NAIP: variants seen among roughly 807,000 people sequenced by gnomAD.
The protein encoded by NAIP is baculoviral IAP repeat-containing protein 1.
In NAIP, 15 loss-of-function variants were observed where a neutral mutation model predicts 23.0. The ratio of observed to expected loss-of-function variants is 0.65; its 90% CI spans 0.44 to 1.00. The LOEUF is 1.00. NAIP is among the 50% of genes least tolerant of loss of function. The probability of loss-of-function intolerance (pLI) is 0.00; values close to 1 mark genes in which losing one functional copy is unlikely to be tolerated. For synonymous variants in NAIP, 100 were observed against 100.2 expected (o/e 1.00, Z 0.01); for missense variants, 265 against 278.8 (o/e 0.95, Z 0.35).
At chr5:70,977,661 T>C (rs1580908531) in intron 13 of NAIP, among the ~76,000 whole-genome samples, 1 of 50,202 alleles carries the variant, frequency 2.0e-5, no homozygotes, top group Non-Finnish European at 3.6e-5. Context: ...CAAGACTGCA[T>C]CTCCAAAAAA....
intron 3 of NAIP, among the ~76,000 whole-genome samples, chr5:71,017,627 G>C (rs1467065213): frequency 4.7e-5 from 4 of 84,948 alleles, no homozygotes; most frequent in Non-Finnish European, 1.2e-4. Context: ...CGCAACCTCT[G>C]CTTCCCAGGT....
intron 5 of NAIP, 32 bp downstream of exon 5, chr5:71,011,243 A>C: frequency 1.3e-6 from 2 of 1,526,024 alleles, no homozygotes; most frequent in Non-Finnish European, 1.8e-6. Flanking sequence ...AAAAAAAAGA[A>C]AGAAACATTT....
intron 13 of NAIP, among the ~76,000 whole-genome samples, chr5:70,977,666 A>T (rs1437770320): frequency 2.4e-4 from 1 of 4,090 alleles, no homozygotes; most frequent in South Asian, 0.056. Context: ...CTGCATCTCC[A>T]AAAAAAAAAA....
intron 5 of NAIP, 21 bp downstream of exon 5, chr5:71,011,254 A>G: frequency 1.9e-6 from 3 of 1,547,482 alleles, no homozygotes; most frequent in Non-Finnish European, 2.6e-6. Context: ...AGAAACATTT[A>G]AGCAAAAATT....
intron 9 of NAIP, among the ~76,000 whole-genome samples, chr5:70,996,426 ATAAAT>A: frequency 7.6e-6 from 1 of 131,624 alleles, no homozygotes; most frequent in South Asian, 2.6e-4. Flanking sequence ...TTTCATTTAA[ATAAAT>A]AAAATTATTA....
intron 4 of NAIP, among the ~76,000 whole-genome samples, 175 bp downstream of exon 4, chr5:71,012,173 A>G (rs1751190716): frequency 6.6e-6 from 1 of 151,724 alleles, no homozygotes; most frequent in Non-Finnish European, 1.5e-5. Flanking sequence ...TACTAAATAG[A>G]AAATGAAGCA....
Position 71,012,603 on chromosome 5 carries a change from A to G in NAIP, c.313T>C (p.Phe105Leu). 1 of 1,611,954 alleles carries G rather than the reference A, an allele frequency of 6.2e-7. No individual in the cohort carries two copies. Among genetic ancestry groups the G allele is most frequent in the Non-Finnish European group, 8.5e-7 (1 of 1,178,528 alleles). Residue 105 changes from phenylalanine (F) to leucine (L), a missense_variant, in exon 4 of 17, where the codon TTT becomes CTT. By Grantham distance (22) the Phe-to-Leu change is conservative (BLOSUM62 0). Transcript: ENST00000517649. ...IQCFCCSLIL[F>L]GAGLTRLPIE... Reference sequence around the variant, plus strand: ...GGGAGTCTCGTGAGGCCGGCACCAAAGAGGATTAGGCTACAGCAGAAGCAC... The same window carrying G: ...GGGAGTCTCGTGAGGCCGGCACCAAGGAGGATTAGGCTACAGCAGAAGCAC...
rs181247511 is a variant in NAIP, at chr5:71,012,690, A to G, written c.226T>C (p.Trp76Arg). Reference sequence around the variant, plus strand: ...GCGGCCGCCATCTCCTGTGGTATCCATGAGCTGTACGGCTCATAAGTCACA... The same window carrying G: ...GCGGCCGCCATCTCCTGTGGTATCCGTGAGCTGTACGGCTCATAAGTCACA... ...TFVTYEPYSS[W>R]IPQEMAAAGF... Residue 76 changes from tryptophan to arginine, a missense_variant, in exon 4 of 17, where the codon TGG (tryptophan) becomes CGG (arginine). Physicochemically the swap from Trp to Arg is moderately radical, Grantham distance 101 (BLOSUM62 -3). This residue lies in a region of NAIP where 261 missense variants were observed against 259.2 expected (regional missense o/e 1.01). Transcript: ENST00000517649. 1 of 1,611,880 alleles carries G rather than the reference A, an allele frequency of 6.2e-7. No homozygotes were observed. Among genetic ancestry groups the G allele is most frequent in the East Asian group, 2.2e-5 (1 of 44,850 alleles).
Position 71,012,743 on chromosome 5 carries a change from C to T in NAIP, c.173G>A (p.Arg58His), listed in dbSNP as rs1466141114. Residue 58 changes from arginine to histidine, a missense_variant, in exon 4 of 17, where the codon CGC becomes CAC. Physicochemically the swap from Arg to His is conservative, Grantham distance 29. This residue lies in a region of NAIP where 261 missense variants were observed against 259.2 expected (regional missense o/e 1.01). Coordinates refer to ENST00000517649, the MANE Select transcript of NAIP (RefSeq NM_004536.3). ...AGTCTTTAACCTTTTTGCTTCACTGCGCATTTGAGAGTTGTAGCCTTTCTG... is the reference window on the plus strand; with the variant it reads ...AGTCTTTAACCTTTTTGCTTCACTGTGCATTTGAGAGTTGTAGCCTTTCTG... ...KMQKGYNSQM[R>H]SEAKRLKTFV... 6 of 1,611,750 alleles carry T rather than the reference C, an allele frequency of 3.7e-6. No individual in the cohort carries two copies. The African/African-American group carries it at 4.0e-5, about 11-fold the overall frequency.
intron 13 of NAIP, among the ~76,000 whole-genome samples, chr5:70,978,791 CT>C (rs1262191019): frequency 9.4e-5 from 5 of 53,182 alleles, no homozygotes; most frequent in African/African-American, 1.4e-4. Flanking sequence ...GGATTTCTTT[CT>C]TTTTTTTTTT....
chr5:70,980,731 C>CACA (rs1750518112), intron 12 of NAIP, among the ~76,000 whole-genome samples: 1 of 6,272 alleles, frequency 1.6e-4, no homozygotes, highest in South Asian at 2.5e-3. Context: ...GCTGAAATCA[C>CACA]ACAACTCTTA....
chr5:71,014,578 A>C (rs910178700), intron 3 of NAIP, among the ~76,000 whole-genome samples: 3 of 151,682 alleles, frequency 2.0e-5, no homozygotes, highest in African/African-American at 7.3e-5. Context: ...ATTTGGATTG[A>C]GAGATTAACA....
At position 71,002,401 on chromosome 5, in the gene NAIP, C is replaced by CTTTTT. The variant is rs1157939944; in HGVS notation, c.751-263_751-259dup. Among the ~76,000 whole-genome samples the CTTTTT allele has an allele frequency of 1.1e-3, 6 of 5,588 alleles. 1 individual carries two copies. The highest frequency in any genetic ancestry group is 3.5e-3 in the Admixed American group (1 of 282). 3.7% of individuals were successfully genotyped at this position (5,588 alleles called of 152,430 possible). A position where few individuals can be genotyped will look rare whatever the true frequency, so the allele number is the denominator to read the frequency against. On this transcript the variant is annotated intron_variant, in intron 6 of 16. Transcript: ENST00000517649. ...TAGAGACAGACACGATGTTGGAGGT[C>CTTTTT]TTTTTTTTTTTTTTTTTTTTTTTTT...
At chr5:70,978,176 G>T (rs1255862015) in intron 13 of NAIP, among the ~76,000 whole-genome samples, 1 of 129,246 alleles carries the variant, frequency 7.7e-6, no homozygotes, top group African/African-American at 3.0e-5. Flanking sequence ...TTTTGAGACA[G>T]GGTCTTGCTC....
At chr5:71,009,450 G>T (rs1222395027) in intron 5 of NAIP, among the ~76,000 whole-genome samples, 1 of 151,112 alleles carries the variant, frequency 6.6e-6, no homozygotes, top group African/African-American at 2.4e-5. Flanking sequence ...TAGCACTTTG[G>T]GAATCCAAGG....
intron 3 of NAIP, among the ~76,000 whole-genome samples, chr5:71,017,701 C>T (rs1354118409): frequency 3.9e-5 from 3 of 77,586 alleles, no homozygotes; most frequent in Non-Finnish European, 6.2e-5. Context: ...CCACCATGCC[C>T]GGCTAATTTT....
At chr5:71,014,258 C>T (rs73118818) in intron 3 of NAIP, among the ~76,000 whole-genome samples, 107 of 151,186 alleles carry the variant, frequency 7.1e-4, no homozygotes, top group African/African-American at 2.5e-3. Context: ...CCACCAATTG[C>T]GGCTAATTTC....
chr5:71,011,745 A>G lies in NAIP; in HGVS notation c.569-371T>C, dbSNP rs115745346. ...CTTGCCATGACATTTCGGTAGAAAC[A>G]TAGGCATGTTTCTTAAAGTCTCTGA... On this transcript the variant is annotated intron_variant, in intron 4 of 16. Transcript: ENST00000517649. 527 of 447,938 alleles carry G rather than the reference A, an allele frequency of 1.2e-3. 3 individuals carry two copies. Among genetic ancestry groups the G allele is most frequent in the African/African-American group, 9.7e-3 (487 of 50,138 alleles). The allele number at this position is 447,938 out of a possible 1,614,324, so 27.7% of individuals were successfully genotyped here. A position where few individuals can be genotyped will look rare whatever the true frequency, so the allele number is the denominator to read the frequency against.
chr5:71,000,557 T>C (rs1750774908), intron 8 of NAIP, among the ~76,000 whole-genome samples: 1 of 128,504 alleles, frequency 7.8e-6, no homozygotes. Context: ...TTATTATTAT[T>C]ATTATTATTT....
Sources: allele counts gnomAD v4.1 joint callset (sites outside exome capture counted in the v4.1 genomes callset), GRCh38; gene constraint gnomAD v4.1.1; regional missense constraint gnomAD v4.1.1; transcripts MANE v1.5; gene names NCBI Gene and HGNC (gene_info 2026-07-23, HGNC 2026-07-21).